The following SLC35F3 variants were observed in gnomAD, a reference collection of about 807,000 sequenced individuals.
SLC35F3 encodes the protein putative thiamine transporter SLC35F3.
In SLC35F3, 25 loss-of-function variants were observed where a neutral mutation model predicts 49.9. The ratio of observed to expected loss-of-function variants is 0.50; its 90% confidence interval spans 0.37 to 0.70. The LOEUF is 0.70. Ranked by LOEUF, SLC35F3 falls within the 30% of genes least tolerant of loss-of-function variation. SLC35F3 has a pLI of 0.00. For missense variants in SLC35F3, 525 were observed against 639.8 expected, an observed-to-expected ratio of 0.82 and a Z score of 1.94; for synonymous variants, 275 against 265.4, an observed-to-expected ratio of 1.04 and a Z score of -0.35.
intron 2 of SLC35F3, among the ~76,000 whole-genome samples, chr1:234,139,862 C>A (rs1461401423): frequency 1.3e-5 from 2 of 151,506 alleles, no homozygotes; most frequent in Admixed American, 1.3e-4. Context: ...GCAGGAGAAT[C>A]GCTTGAACCC....
chr1:234,114,275 C>G (rs1261757710), intron 2 of SLC35F3, among the ~76,000 whole-genome samples: 2 of 152,146 alleles, frequency 1.3e-5, no homozygotes, highest in Non-Finnish European at 2.9e-5. Context: ...GAAAGGAAAA[C>G]AAATTTGAAA....
chr1:234,071,815 C>A (rs1389264332), intron 2 of SLC35F3, among the ~76,000 whole-genome samples: 5 of 152,160 alleles, frequency 3.3e-5, no homozygotes, highest in Non-Finnish European at 7.4e-5. Context: ...TAATTAATGG[C>A]CAAGGACCAC....
rs552844138 is a variant in SLC35F3, at chr1:233,926,308, A to G, written c.283+20550A>G. Among the ~76,000 whole-genome samples the G allele has an allele frequency of 5.3e-5, 8 of 152,132 alleles. No individual in the cohort carries two copies. The South Asian group carries it at 1.7e-3, about 32-fold the overall frequency. ...ATTTGGTCTTTTCACATAGTCTCAT[A>G]TTTCTTGGCGGCTTTATTCGTTTCT... On this transcript the variant is annotated intron_variant, in intron 2 of 7. Transcript: ENST00000366618.
At chr1:233,978,022 A>T (rs1663118793) in intron 2 of SLC35F3, among the ~76,000 whole-genome samples, 1 of 152,216 alleles carries the variant, frequency 6.6e-6, no homozygotes, top group African/African-American at 2.4e-5. Flanking sequence ...CCATACCATC[A>T]GGTGTCCGGA....
intron 2 of SLC35F3, among the ~76,000 whole-genome samples, chr1:233,979,303 T>G (rs1226015082): frequency 1.3e-5 from 2 of 152,174 alleles, no homozygotes; most frequent in Non-Finnish European, 2.9e-5. Context: ...GTTAGGGGAT[T>G]TTTAACTCTG....
chr1:233,958,941 T>C (rs991812843), intron 2 of SLC35F3, among the ~76,000 whole-genome samples: 4 of 152,146 alleles, frequency 2.6e-5, no homozygotes, highest in African/African-American at 7.2e-5. Context: ...TTTCCAACAA[T>C]TGTTTATATC....
chr1:233,919,760 A>G (rs1662029636), intron 2 of SLC35F3, among the ~76,000 whole-genome samples: 1 of 152,126 alleles, frequency 6.6e-6, no homozygotes, highest in African/African-American at 2.4e-5. Flanking sequence ...CCCCCCGGCT[A>G]CCAAGACTTA....
intron 3 of SLC35F3, among the ~76,000 whole-genome samples, chr1:234,275,684 T>A (rs1385395465): frequency 1.3e-5 from 2 of 151,402 alleles, no homozygotes; most frequent in East Asian, 3.9e-4. Context: ...CCTCAGATAG[T>A]CAGTTTTCCT....
intron 2 of SLC35F3, among the ~76,000 whole-genome samples, chr1:234,169,519 A>C (rs1666367023): frequency 6.6e-6 from 1 of 152,118 alleles, no homozygotes; most frequent in Non-Finnish European, 1.5e-5. Flanking sequence ...TCTGCCTGAA[A>C]ACTTTGCTGG....
chr1:234,035,712 T>A (rs1236011765), intron 2 of SLC35F3, among the ~76,000 whole-genome samples: 18 of 152,224 alleles, frequency 1.2e-4, no homozygotes, highest in Non-Finnish European at 2.5e-4. Flanking sequence ...ACCCTTCCAC[T>A]GAGTTATAAA....
intron 2 of SLC35F3, among the ~76,000 whole-genome samples, chr1:234,076,427 G>A (rs1338464985): frequency 2.6e-5 from 4 of 151,780 alleles, no homozygotes; most frequent in South Asian, 4.2e-4. Context: ...GTGAGACCCT[G>A]TCTCTCTCTA....
At chr1:233,990,566 C>A (rs757224415) in intron 2 of SLC35F3, among the ~76,000 whole-genome samples, 3 of 152,094 alleles carry the variant, frequency 2.0e-5, no homozygotes, top group Non-Finnish European at 2.9e-5. Flanking sequence ...TACTTAATAG[C>A]AATGTATTGC....
At chr1:234,142,100 A>G (rs994908767) in intron 2 of SLC35F3, among the ~76,000 whole-genome samples, 5 of 152,242 alleles carry the variant, frequency 3.3e-5, no homozygotes, top group Non-Finnish European at 7.3e-5. Context: ...GACTAAGCTC[A>G]TGCTACTAGA....
chr1:234,301,595 T>G (rs1330697726), intron 3 of SLC35F3, among the ~76,000 whole-genome samples: 1 of 152,232 alleles, frequency 6.6e-6, no homozygotes, highest in African/African-American at 2.4e-5. Flanking sequence ...TTGGTAGGAA[T>G]GTAAATTAGT....
chr1:233,921,377 C>A (rs952001733), intron 2 of SLC35F3, among the ~76,000 whole-genome samples: 1 of 152,148 alleles, frequency 6.6e-6, no homozygotes, highest in Non-Finnish European at 1.5e-5. Context: ...ACTGATGAGC[C>A]TGCACTGACA....
chr1:234,129,766 C>T (rs1665704916), intron 2 of SLC35F3, among the ~76,000 whole-genome samples: 1 of 152,184 alleles, frequency 6.6e-6, no homozygotes, highest in African/African-American at 2.4e-5. Context: ...ACATCCACAC[C>T]TGCACTCACT....
intron 2 of SLC35F3, among the ~76,000 whole-genome samples, chr1:234,131,155 G>A (rs1665729615): frequency 6.6e-6 from 1 of 150,576 alleles, no homozygotes; most frequent in South Asian, 2.1e-4. Context: ...GGGCATGAGG[G>A]GGCTTCTGAG....
At chr1:234,300,217 G>A (rs1047991202) in intron 3 of SLC35F3, among the ~76,000 whole-genome samples, 2 of 152,126 alleles carry the variant, frequency 1.3e-5, no homozygotes, top group African/African-American at 2.4e-5. Flanking sequence ...GCTACTGGGG[G>A]AAAACTAGTC....
At chr1:234,091,274 G>A (rs1314374188) in intron 2 of SLC35F3, among the ~76,000 whole-genome samples, 1 of 152,126 alleles carries the variant, frequency 6.6e-6, no homozygotes, top group African/African-American at 2.4e-5. Flanking sequence ...CCTACCTTGA[G>A]GCTTTTGTTC....
Sources: allele counts gnomAD v4.1 joint callset (sites outside exome capture counted in the v4.1 genomes callset), GRCh38; gene constraint gnomAD v4.1.1; transcripts MANE v1.5; gene names NCBI Gene and HGNC (gene_info 2026-07-23, HGNC 2026-07-21).